Variants in DGKD observed in about 807,000 individuals in gnomAD.
DGKD encodes the protein DAG kinase delta.
DGKD carries 68 observed loss-of-function variants against 154.4 expected under a neutral mutation model. The ratio of observed to expected loss-of-function variants is 0.44; its 90% CI spans 0.36 to 0.54. The LOEUF is 0.54. DGKD is among the 20% of genes least tolerant of loss of function. The probability of loss-of-function intolerance (pLI) is 0.00; values close to 1 mark genes in which losing one functional copy is unlikely to be tolerated. For missense variants in DGKD, 1,343 were observed against 1,593.6 expected, an observed-to-expected ratio of 0.84 and a Z score of 2.68; for synonymous variants, 693 against 638.0, an observed-to-expected ratio of 1.09 and a Z score of -1.30.
chr2:233,362,927 G>A (rs1480992917), intron 1 of DGKD, among the ~76,000 whole-genome samples: 1 of 152,184 alleles, frequency 6.6e-6, no homozygotes, highest in African/African-American at 2.4e-5. Flanking sequence ...TGTGTTTGTG[G>A]TGATGCTGGT....
At chr2:233,463,626 C>T (rs1044956448) in intron 26 of DGKD, among the ~76,000 whole-genome samples, 7 of 148,842 alleles carry the variant, frequency 4.7e-5, no homozygotes, top group African/African-American at 1.8e-4. Context: ...TCTCCTCACT[C>T]CACGCATCTC....
At chr2:233,446,665 T>G in intron 11 of DGKD, 47 bp from the exon 12 acceptor site, 1 of 1,593,972 alleles carries the variant, frequency 6.3e-7, no homozygotes, top group Non-Finnish European at 8.6e-7. Flanking sequence ...TTCACCCTTG[T>G]GGGCCTGCAC....
chr2:233,433,627 A>ATGGATACCCCATTTACTC (rs566233077), intron 3 of DGKD, among the ~76,000 whole-genome samples: 239 of 152,332 alleles, frequency 1.6e-3, no homozygotes, highest in South Asian at 0.012. Flanking sequence ...CCTTGAGGCA[A>ATGGATACCCCATTTACTC]TGGATACCCC....
chr2:233,357,112 C>T (rs1410424399), intron 1 of DGKD, among the ~76,000 whole-genome samples: 1 of 152,190 alleles, frequency 6.6e-6, no homozygotes, highest in Non-Finnish European at 1.5e-5. Context: ...TTTCAGACTC[C>T]AGGGACAGCT....
chr2:233,461,092 C>T (rs1412945374), intron 24 of DGKD, among the ~76,000 whole-genome samples: 1 of 152,188 alleles, frequency 6.6e-6, no homozygotes, highest in African/African-American at 2.4e-5. Context: ...CCTGGAGCCA[C>T]TGTGTCCCTC....
chr2:233,394,410 T>G (rs1266958217), intron 3 of DGKD, among the ~76,000 whole-genome samples: 2 of 151,940 alleles, frequency 1.3e-5, no homozygotes, highest in East Asian at 3.9e-4. Flanking sequence ...GCCTGGCTAA[T>G]TTTTACATTT....
At chr2:233,435,051 TG>T (rs1341360296) in intron 5 of DGKD, 150 bp downstream of exon 5, 2 of 1,144,338 alleles carry the variant, frequency 1.7e-6, no homozygotes, top group Non-Finnish European at 2.4e-6. Flanking sequence ...ATGCCATTCT[TG>T]TTTATTTTAC....
In DGKD at chr2:233,459,663, G is replaced by T. The variant is rs2063561038; in HGVS notation, c.2695-94G>T. On this transcript the variant is annotated intron_variant, in intron 22 of 29. Coordinates refer to ENST00000264057, the MANE Select transcript of DGKD (RefSeq NM_152879.3). This position sits in a 1 kb window ranked among gnomAD's most constrained non-coding sequence, Gnocchi z 5.7. The stretch of plus-strand genomic sequence containing the variant: ...GGTGTCCTGCAAGGCAGGGACGGGT[G>T]TGTGGAGCAGGAAGGTCATGGTGGT... The T allele has an allele frequency of 1.3e-6, 2 of 1,508,304 alleles. No homozygotes were observed. Among genetic ancestry groups the T allele is most frequent in the Non-Finnish European group, 1.8e-6 (2 of 1,118,200 alleles). 93.4% of individuals were successfully genotyped at this position (1,508,304 alleles called of 1,614,324 possible).
intron 17 of DGKD, among the ~76,000 whole-genome samples, chr2:233,451,356 T>G (rs1411801672): frequency 6.6e-6 from 1 of 151,274 alleles, no homozygotes; most frequent in African/African-American, 2.4e-5. Flanking sequence ...AAAAGGGAGG[T>G]GGCCGGCCTG....
chr2:233,460,511 C>T (rs1036528733), intron 24 of DGKD, among the ~76,000 whole-genome samples, 166 bp downstream of exon 24: 11 of 152,150 alleles, frequency 7.2e-5, no homozygotes, highest in African/African-American at 1.9e-4. Flanking sequence ...TGGCTCATTT[C>T]CCCAGTGGTC....
chr2:233,390,717 T>C (rs1294944549), intron 3 of DGKD, among the ~76,000 whole-genome samples: 1 of 152,224 alleles, frequency 6.6e-6, no homozygotes, highest in African/African-American at 2.4e-5. Flanking sequence ...AATTTTTATA[T>C]GTGTTTTGGT....
intron 3 of DGKD, among the ~76,000 whole-genome samples, chr2:233,423,727 G>T (rs996621343): frequency 6.6e-6 from 1 of 152,050 alleles, no homozygotes; most frequent in Non-Finnish European, 1.5e-5. Flanking sequence ...TGTTACTGCC[G>T]TTGTCAGTTT....
At chr2:233,428,470 G>C (rs748054557) in intron 3 of DGKD, among the ~76,000 whole-genome samples, 1 of 152,178 alleles carries the variant, frequency 6.6e-6, no homozygotes, top group Non-Finnish European at 1.5e-5. Context: ...TGACATCAAA[G>C]CTGAGGGCTT....
intron 1 of DGKD, among the ~76,000 whole-genome samples, chr2:233,359,511 T>TC: frequency 7.0e-6 from 1 of 142,066 alleles, no homozygotes; most frequent in African/African-American, 2.6e-5. Context: ...TTTTTTTTTA[T>TC]CCCAGATAGG....
At chr2:233,375,735 A>G (rs1702539589) in intron 1 of DGKD, among the ~76,000 whole-genome samples, 1 of 152,010 alleles carries the variant, frequency 6.6e-6, no homozygotes, top group Non-Finnish European at 1.5e-5. Context: ...CTTGAAAACA[A>G]TTTATGGAAA....
At chr2:233,402,988 A>G (rs1422605228) in intron 3 of DGKD, among the ~76,000 whole-genome samples, 2 of 152,184 alleles carry the variant, frequency 1.3e-5, no homozygotes, top group Admixed American at 6.5e-5. Flanking sequence ...GGTACAAAGT[A>G]CAGTTAGAGT....
intron 1 of DGKD, chr2:233,379,959 AC>A (rs1702797897): frequency 6.6e-6 from 1 of 152,208 alleles, no homozygotes; most frequent in Non-Finnish European, 1.5e-5. Flanking sequence ...GCCAGCGGTA[AC>A]CTGCATTTTT....
At chr2:233,401,668 C>T (rs1036877405) in intron 3 of DGKD, among the ~76,000 whole-genome samples, 1 of 152,100 alleles carries the variant, frequency 6.6e-6, no homozygotes, top group Non-Finnish European at 1.5e-5. Flanking sequence ...CACCTGTAAT[C>T]CCAGTGCTTT....
intron 27 of DGKD, 126 bp from the exon 28 acceptor site, chr2:233,466,960 A>G (rs1176508466): frequency 2.7e-6 from 2 of 728,202 alleles, no homozygotes; most frequent in Non-Finnish European, 5.0e-6. Flanking sequence ...TTTCAGGCAC[A>G]AGAGGTCTTT....
Sources: allele counts gnomAD v4.1 joint callset (sites outside exome capture counted in the v4.1 genomes callset), GRCh38; gene constraint gnomAD v4.1.1; non-coding constraint Gnocchi (gnomAD v3.1); transcripts MANE v1.5; gene names NCBI Gene and HGNC (gene_info 2026-07-23, HGNC 2026-07-21).